Variants in IL5RA observed in about 807,000 individuals in gnomAD.
IL5RA encodes interleukin 5 receptor subunit alpha.
IL5RA carries 49 observed loss-of-function variants against 50.0 expected under a neutral mutation model. That is an observed-to-expected ratio of 0.98 (90% CI 0.78 to 1.24). The LOEUF (loss-of-function observed/expected upper bound fraction) is 1.24. Among genes scored for constraint, IL5RA ranks in the 50% most tolerant of loss-of-function variants. The pLI is 0.00. For missense variants in IL5RA, 600 were observed against 500.4 expected, an observed-to-expected ratio of 1.20 and a Z score of -1.90; for synonymous variants, 202 against 174.0, an observed-to-expected ratio of 1.16 and a Z score of -1.26.
At chr3:3,086,721 T>A (rs1199030301) in intron 9 of IL5RA, among the ~76,000 whole-genome samples, 1 of 152,120 alleles carries the variant, frequency 6.6e-6, no homozygotes, top group African/African-American at 2.4e-5. Flanking sequence ...TTTTGAGAAA[T>A]CTTCCAAAGG....
chr3:3,071,522 G>T (rs1236047209), intron 11 of IL5RA, among the ~76,000 whole-genome samples: 1 of 150,774 alleles, frequency 6.6e-6, no homozygotes, highest in Non-Finnish European at 1.5e-5. Context: ...CTTTCTTTTT[G>T]ACTGCTAAAG....
Position 3,101,849 on chromosome 3 carries a change from A to T in IL5RA, c.229-19T>A. 6.2e-7 allele frequency: 1 copy of T among 1,608,786 alleles called. No individual in the cohort carries two copies. The highest frequency in any genetic ancestry group is 8.5e-7 in the Non-Finnish European group (1 of 1,176,802). On this transcript the variant is annotated intron_variant, in intron 4 of 11. Coordinates refer to ENST00000446632, the MANE Select transcript of IL5RA (RefSeq NM_175726.4). ...TTTCATACTAAAAATAAAACCCACA[A>T]GTCATGATACATAAAAGAGAACTAG...
At chr3:3,107,784 T>C (rs1381774490) in intron 2 of IL5RA, among the ~76,000 whole-genome samples, 1 of 152,216 alleles carries the variant, frequency 6.6e-6, no homozygotes, top group African/African-American at 2.4e-5. Flanking sequence ...TTTTGAAATT[T>C]TGGAGAAAAC....
chr3:3,096,602 AATG>A (rs1227764169), intron 7 of IL5RA, among the ~76,000 whole-genome samples: 1 of 152,170 alleles, frequency 6.6e-6, no homozygotes, highest in Admixed American at 6.5e-5. Context: ...ATAAAAGAAA[AATG>A]AATTCCTGTG....
intron 5 of IL5RA, among the ~76,000 whole-genome samples, chr3:3,100,989 T>C (rs1359946444): frequency 4.3e-5 from 4 of 93,102 alleles, no homozygotes; most frequent in Admixed American, 9.5e-5. Context: ...TCAATAATAA[T>C]AATAATAATA....
Position 3,070,261 on chromosome 3 carries a change from C to T in IL5RA, c.1227G>A (p.Lys409=). 1 of 1,613,518 alleles carries T rather than the reference C, an allele frequency of 6.2e-7. No individual in the cohort carries two copies. ...TEIEVICYIE[K]PGVETLEDSV... The stretch of plus-strand genomic sequence containing the variant: ...AATCCTCCAGGGTCTCAACTCCAGG[C>T]TTCTCTATATAACAGATGACTTCAA... Residue 409 remains lysine (K), a synonymous_variant, in exon 12 of 12, where the codon AAG becomes AAA. Coordinates refer to ENST00000446632, the MANE Select transcript of IL5RA (RefSeq NM_175726.4).
At chr3:3,090,880 G>A (rs1423211086) in intron 9 of IL5RA, among the ~76,000 whole-genome samples, 1 of 151,948 alleles carries the variant, frequency 6.6e-6, no homozygotes, top group Admixed American at 6.6e-5. Context: ...GCCAACACAG[G>A]GTATGAATTT....
chr3:3,076,893 C>G (rs1702505855), intron 9 of IL5RA, among the ~76,000 whole-genome samples: 1 of 152,206 alleles, frequency 6.6e-6, no homozygotes, highest in Admixed American at 6.5e-5. Context: ...TTTATTCAAT[C>G]AATCAGCAAA....
At chr3:3,073,641 T>C (rs1215528775) in intron 11 of IL5RA, 1 of 305,358 alleles carries the variant, frequency 3.3e-6, no homozygotes, top group African/African-American at 2.3e-5. Flanking sequence ...CACAAACCAT[T>C]GCTGAGAGAA....
intron 11 of IL5RA, among the ~76,000 whole-genome samples, chr3:3,070,824 C>T (rs909144640): frequency 2.0e-5 from 3 of 151,858 alleles, no homozygotes; most frequent in African/African-American, 7.3e-5. Context: ...CTTGTGATCC[C>T]CCCGCCTCGG....
rs117968569 is a variant in IL5RA, at chr3:3,073,803, G to A, written c.1176+979C>T. ...GTAGAAAATTGTCAGCTGAATCTAA[G>A]ATGTATATGAAAATGCAGAGGACCT... On this transcript the variant is annotated intron_variant, in intron 11 of 11. Transcript: ENST00000446632. The A allele has an allele frequency of 1.4e-4, 65 of 451,788 alleles. 2 individuals are homozygous for A. The East Asian group carries it at 4.3e-3, about 30-fold the overall frequency. 28.0% of individuals were successfully genotyped at this position (451,788 alleles called of 1,614,324 possible). A position where few individuals can be genotyped will look rare whatever the true frequency, so the allele number is the denominator to read the frequency against.
chr3:3,082,840 T>C (rs754481261), intron 9 of IL5RA, among the ~76,000 whole-genome samples: 5 of 152,234 alleles, frequency 3.3e-5, no homozygotes, highest in African/African-American at 4.8e-5. Context: ...ATGAATTTGA[T>C]TTGGAAGCCT....
chr3:3,082,072 C>CA (rs3840226), intron 9 of IL5RA, among the ~76,000 whole-genome samples: 42 of 150,898 alleles, frequency 2.8e-4, no homozygotes, highest in Non-Finnish European at 3.5e-4. Flanking sequence ...CTTATTTATG[C>CA]AAAAAAAAAT....
intron 11 of IL5RA, among the ~76,000 whole-genome samples, chr3:3,072,044 G>A (rs80093509): frequency 0.021 from 3,241 of 152,304 alleles, 129 homozygotes; most frequent in African/African-American, 0.074. Context: ...TTTCCCACTA[G>A]CCAAACATTT....
intron 9 of IL5RA, among the ~76,000 whole-genome samples, chr3:3,086,407 CAGA>C (rs1463846850): frequency 6.6e-6 from 1 of 152,102 alleles, no homozygotes; most frequent in Non-Finnish European, 1.5e-5. Context: ...AACAAAGGAA[CAGA>C]AGAATCCGGA....
Position 3,092,184 on chromosome 3 carries a change from A to AT in IL5RA, c.994+39_994+40insA. 1 of 1,601,556 alleles carries AT rather than the reference A, an allele frequency of 6.2e-7. No individual in the cohort carries two copies. Among genetic ancestry groups the AT allele is most frequent in the South Asian group, 1.1e-5 (1 of 88,878 alleles). ...TTCTGGGATTACCTTTTTTGATCAC[A>AT]AGGAAGGCTGCCAATGTAAAATAAA... On this transcript the variant is annotated intron_variant, in intron 9 of 11. Transcript: ENST00000446632. The surrounding 1 kb of genome is among the most constrained non-coding windows in gnomAD (Gnocchi z 4.2).
At position 3,082,207 on chromosome 3, in the gene IL5RA, A is replaced by G. The variant is rs553982625; in HGVS notation, c.995-5580T>C. On this transcript the variant is annotated intron_variant, in intron 9 of 11. Coordinates refer to ENST00000446632, the MANE Select transcript of IL5RA (RefSeq NM_175726.4). ...AAATGATTAAGAATTTCAATACTAT[A>G]AAATTTGGGAGATCCCGTAGTATAG... 3.3e-5 allele frequency among the ~76,000 whole-genome samples: 5 copies of G among 152,362 alleles called. No individual in the cohort carries two copies. In the South Asian group the frequency reaches 1.0e-3, roughly 32 times the overall value.
In IL5RA at chr3:3,092,958, G is replaced by T. The variant is rs1042412410; in HGVS notation, c.856-596C>A. Among the ~76,000 whole-genome samples, 1 of 151,824 alleles carries T rather than the reference G, an allele frequency of 6.6e-6. No individual in the cohort carries two copies. Among genetic ancestry groups the T allele is most frequent in the Non-Finnish European group, 1.5e-5 (1 of 67,988 alleles). On this transcript the variant is annotated intron_variant, in intron 8 of 11. Coordinates refer to ENST00000446632, the MANE Select transcript of IL5RA (RefSeq NM_175726.4). The surrounding 1 kb of genome is among the most constrained non-coding windows in gnomAD (Gnocchi z 4.2). ...CTTATTATCTTTTGCTTGGACCTTTGCAGTAGCCGCTAACTGATATCATAT... is the reference window on the plus strand; with the variant it reads ...CTTATTATCTTTTGCTTGGACCTTTTCAGTAGCCGCTAACTGATATCATAT...
intron 3 of IL5RA, 47 bp downstream of exon 3, chr3:3,104,856 C>T: frequency 8.6e-7 from 1 of 1,156,820 alleles, no homozygotes; most frequent in Non-Finnish European, 1.3e-6. Flanking sequence ...CTTTTACTAA[C>T]ATATTTTTAA....
Sources: gnomAD v4.1 joint callset for allele counts (sites outside exome capture counted in the v4.1 genomes callset) on GRCh38, gnomAD v4.1.1 for gene constraint, Gnocchi (gnomAD v3.1) non-coding constraint, MANE v1.5 for transcripts, NCBI Gene and HGNC (gene_info 2026-07-23, HGNC 2026-07-21) for gene names.